Variants in GRIA4 observed in about 807,000 individuals in gnomAD.
The protein encoded by GRIA4 is glutamate receptor 4.
GRIA4 carries 34 observed loss-of-function variants against 104.0 expected under a neutral mutation model. The observed-to-expected ratio is 0.33, with a 90% CI of 0.25 to 0.44. The LOEUF (loss-of-function observed/expected upper bound fraction) is 0.44. Among genes scored for constraint, GRIA4 ranks in the 20% least tolerant of loss-of-function variants. The probability of loss-of-function intolerance (pLI) is 1.00; values close to 1 mark genes in which losing one functional copy is unlikely to be tolerated. For missense variants in GRIA4, 750 were observed against 1,096.5 expected, an observed-to-expected ratio of 0.68 and a Z score of 4.46; for synonymous variants, 386 against 381.9, an observed-to-expected ratio of 1.01 and a Z score of -0.13.
intron 10 of GRIA4, chr11:105,913,066 G>T (rs948361176): frequency 5.2e-5 from 45 of 862,828 alleles, no homozygotes; most frequent in Non-Finnish European, 6.1e-5. Flanking sequence ...TTGATACACT[G>T]TAACACTATA....
Position 105,826,570 on chromosome 11 carries a change from T to C in GRIA4, c.488-35454T>C, listed in dbSNP as rs376274840. The stretch of plus-strand genomic sequence containing the variant: ...TTGCAGGAGAAGCTGAGCCTTTAGA[T>C]GGCCTTGCTCTTGACATTCACCTTT... On this transcript the variant is annotated intron_variant, in intron 4 of 16. Coordinates refer to ENST00000282499, the MANE Select transcript of GRIA4 (RefSeq NM_000829.4). Among the ~76,000 whole-genome samples, 7 of 152,216 alleles carry C rather than the reference T, an allele frequency of 4.6e-5. No homozygotes were observed. In the East Asian group the frequency reaches 1.4e-3, roughly 30 times the overall value.
chr11:105,979,726 C>G lies in GRIA4; in HGVS notation c.2696C>G (p.Ser899Trp). ...RQSSGLAVIASDLP is the reference protein window; with the variant it reads ...RQSSGLAVIAWDLP ...AGTTCAGGATTGGCTGTCATTGCAT[C>G]GGACCTACCATAAAAACCAAAAAAA... The change falls in exon 17 of 17, where the codon TCG becomes TGG. Residue 899 changes from serine (S) to tryptophan (W), a missense_variant. This residue lies in a region of GRIA4 where 68 missense variants were observed against 69.3 expected (regional missense o/e 0.98). Transcript: ENST00000282499. 1 of 1,612,986 alleles carries G rather than the reference C, an allele frequency of 6.2e-7. No individual in the cohort carries two copies.
chr11:105,898,171 A>C, intron 6 of GRIA4, 98 bp from the exon 7 acceptor site: 1 of 503,056 alleles, frequency 2.0e-6, no homozygotes, highest in Non-Finnish European at 3.5e-6. Context: ...TTTATTAAAA[A>C]TCTTTTAATA....
intron 14 of GRIA4, among the ~76,000 whole-genome samples, chr11:105,964,751 A>G (rs1218910160): frequency 6.6e-6 from 1 of 151,896 alleles, no homozygotes; most frequent in Non-Finnish European, 1.5e-5. Flanking sequence ...CAGGAAAGAA[A>G]CCAAATGTAT....
Position 105,755,001 on chromosome 11 carries a change from A to AT in GRIA4, c.487+1789dup, listed in dbSNP as rs566758901. On this transcript the variant is annotated intron_variant, in intron 4 of 16. Coordinates refer to ENST00000282499, the MANE Select transcript of GRIA4 (RefSeq NM_000829.4). The stretch of plus-strand genomic sequence containing the variant: ...TTGGTCTGTTTTGTTTCTTGTTAGC[A>AT]TTTTTTTTACAAAACTATATTCTAC... Among the ~76,000 whole-genome samples the AT allele has an allele frequency of 1.3e-3, 199 of 151,694 alleles. 2 individuals carry two copies. Among genetic ancestry groups the AT allele is most frequent in the South Asian group, 0.011 (51 of 4,778 alleles).
In GRIA4 at chr11:105,974,245, T is replaced by G. The variant is rs1004449267; in HGVS notation, c.2410-65T>G. 17 of 1,500,190 alleles carry G rather than the reference T, an allele frequency of 1.1e-5. No homozygotes were observed. In the Admixed American group the frequency reaches 3.0e-4, roughly 26 times the overall value. The allele number at this position is 1,500,190 out of a possible 1,614,324, so 92.9% of individuals were successfully genotyped here. The stretch of plus-strand genomic sequence containing the variant: ...ACTTTCATTGGCTTTTTGGATTTCA[T>G]GTGTTCTTTTACCTTTTGGATGTGA... On this transcript the variant is annotated intron_variant, in intron 15 of 16. Transcript: ENST00000282499.
intron 3 of GRIA4, among the ~76,000 whole-genome samples, chr11:105,741,045 T>C (rs1748652940): frequency 2.0e-5 from 3 of 152,076 alleles, no homozygotes; most frequent in Admixed American, 2.0e-4. Flanking sequence ...TTAGGAGACT[T>C]GAAGCTGACT....
chr11:105,964,246 G>A (rs1407169867), intron 14 of GRIA4, among the ~76,000 whole-genome samples: 2 of 152,162 alleles, frequency 1.3e-5, no homozygotes, highest in East Asian at 3.9e-4. Flanking sequence ...ACTTGGAAAT[G>A]TAGGAGTAGC....
intron 3 of GRIA4, among the ~76,000 whole-genome samples, chr11:105,671,440 A>C (rs764997986): frequency 1.3e-5 from 2 of 151,582 alleles, no homozygotes; most frequent in Non-Finnish European, 2.9e-5. Flanking sequence ...AATTTGGGAG[A>C]CCAAGGAGGG....
chr11:105,944,434 T>A (rs1440600099), intron 14 of GRIA4, among the ~76,000 whole-genome samples: 1 of 152,060 alleles, frequency 6.6e-6, no homozygotes, highest in Non-Finnish European at 1.5e-5. Context: ...CTGGTATTTG[T>A]TTTTTTATGG....
chr11:105,960,191 G>A (rs1186412916), intron 14 of GRIA4, among the ~76,000 whole-genome samples: 2 of 152,218 alleles, frequency 1.3e-5, no homozygotes, highest in East Asian at 1.9e-4. Flanking sequence ...TGAGCTGCCC[G>A]ATTCCTCAGA....
At chr11:105,759,056 G>C (rs537825647) in intron 4 of GRIA4, among the ~76,000 whole-genome samples, 2 of 151,990 alleles carry the variant, frequency 1.3e-5, no homozygotes, top group South Asian at 4.1e-4. Context: ...CAGTTTTCTA[G>C]TGTGAAAAAA....
At chr11:105,731,267 T>C (rs894042082) in intron 3 of GRIA4, among the ~76,000 whole-genome samples, 2 of 151,960 alleles carry the variant, frequency 1.3e-5, no homozygotes, top group African/African-American at 4.8e-5. Flanking sequence ...CCAACAAACA[T>C]ATGCAAAAAG....
intron 14 of GRIA4, among the ~76,000 whole-genome samples, chr11:105,969,331 C>G (rs1858559803): frequency 6.6e-6 from 1 of 152,192 alleles, no homozygotes; most frequent in Admixed American, 6.5e-5. Flanking sequence ...CTAAAGGAAT[C>G]TAGCCCTTGG....
chr11:105,877,989 G>A lies in GRIA4; in HGVS notation c.673-9530G>A, dbSNP rs568728706. On this transcript the variant is annotated intron_variant, in intron 5 of 16. Transcript: ENST00000282499. ...TGTGATCCTTTGGAGGAGAAGAGGC[G>A]TTCTGGTTTTTGGAATTTTCAGCCT... Among the ~76,000 whole-genome samples, 320 of 152,218 alleles carry A rather than the reference G, an allele frequency of 2.1e-3. 4 individuals are homozygous for A. Among genetic ancestry groups the A allele is most frequent in the African/African-American group, 6.7e-3 (279 of 41,520 alleles).
At chr11:105,881,987 T>A (rs1224885861) in intron 5 of GRIA4, among the ~76,000 whole-genome samples, 4 of 152,240 alleles carry the variant, frequency 2.6e-5, no homozygotes, top group African/African-American at 9.6e-5. Context: ...CCTTGCCTTA[T>A]ATTTTTCTTT....
chr11:105,774,953 G>A (rs994729804), intron 4 of GRIA4, among the ~76,000 whole-genome samples: 1 of 152,076 alleles, frequency 6.6e-6, no homozygotes, highest in African/African-American at 2.4e-5. Flanking sequence ...AATCCTGAAC[G>A]TCAGAAGGAA....
At chr11:105,961,607 G>A (rs557540518) in intron 14 of GRIA4, among the ~76,000 whole-genome samples, 6 of 152,164 alleles carry the variant, frequency 3.9e-5, no homozygotes, top group East Asian at 3.9e-4. Flanking sequence ...GAATATTTGC[G>A]TTACACTTAC....
chr11:105,651,989 G>C (rs1447603908), intron 3 of GRIA4, among the ~76,000 whole-genome samples: 1 of 152,028 alleles, frequency 6.6e-6, no homozygotes, highest in Non-Finnish European at 1.5e-5. Context: ...CCAGAGTTGA[G>C]TGTTTCAGAA....
Sources: allele counts gnomAD v4.1 joint callset (sites outside exome capture counted in the v4.1 genomes callset), GRCh38; gene constraint gnomAD v4.1.1; regional missense constraint gnomAD v4.1.1; transcripts MANE v1.5; gene names NCBI Gene and HGNC (gene_info 2026-07-23, HGNC 2026-07-21).